KCNQ5: variants seen among roughly 807,000 people sequenced by gnomAD.
The protein encoded by KCNQ5 is potassium voltage-gated channel subfamily Q member 5.
A neutral mutation model predicts 98.2 loss-of-function variants in KCNQ5; 30 were observed. That is an observed-to-expected ratio of 0.31 (90% CI 0.23 to 0.41). The LOEUF (loss-of-function observed/expected upper bound fraction) is 0.41, where lower values mean the gene tolerates loss of function less well. Ranked by LOEUF, KCNQ5 falls within the 10% of genes least tolerant of loss-of-function variation. The pLI, the probability that KCNQ5 is intolerant of heterozygous loss-of-function variation, is 1.00. For missense variants in KCNQ5, 835 were observed against 1,182.5 expected, an observed-to-expected ratio of 0.71 and a Z score of 4.31; for synonymous variants, 458 against 449.4, an observed-to-expected ratio of 1.02 and a Z score of -0.24.
chr6:72,714,808 T>C (rs1004537764), intron 1 of KCNQ5, among the ~76,000 whole-genome samples: 5 of 152,160 alleles, frequency 3.3e-5, no homozygotes, highest in African/African-American at 1.2e-4. Flanking sequence ...CCTCTTAATA[T>C]CTTGAAGATC....
intron 1 of KCNQ5, among the ~76,000 whole-genome samples, chr6:72,901,268 T>C (rs1031326862): frequency 3.9e-5 from 6 of 152,104 alleles, no homozygotes; most frequent in Non-Finnish European, 7.4e-5. Context: ...GTCACATATA[T>C]AGATTGTGAA....
chr6:72,881,971 G>C, intron 1 of KCNQ5, among the ~76,000 whole-genome samples: 1 of 152,164 alleles, frequency 6.6e-6, no homozygotes, highest in East Asian at 1.9e-4. Context: ...GATTACAAGC[G>C]TGAGCCACCA....
intron 5 of KCNQ5, among the ~76,000 whole-genome samples, chr6:73,090,959 A>G (rs879474319): frequency 6.6e-6 from 1 of 152,208 alleles, no homozygotes; most frequent in Non-Finnish European, 1.5e-5. Context: ...TGACCCAGCA[A>G]TCCCATTACT....
At chr6:73,178,351 G>T (rs901404330) in intron 11 of KCNQ5, among the ~76,000 whole-genome samples, 9 of 151,356 alleles carry the variant, frequency 5.9e-5, no homozygotes, top group African/African-American at 1.9e-4. Context: ...ACTTTGGGAG[G>T]CTGAGCTGGG....
At chr6:72,781,470 T>C (rs1773469017) in intron 1 of KCNQ5, among the ~76,000 whole-genome samples, 1 of 152,196 alleles carries the variant, frequency 6.6e-6, no homozygotes, top group Non-Finnish European at 1.5e-5. Flanking sequence ...GATATATTCT[T>C]ATATGTTTAT....
At chr6:72,759,638 T>C (rs1772151586) in intron 1 of KCNQ5, among the ~76,000 whole-genome samples, 1 of 152,040 alleles carries the variant, frequency 6.6e-6, no homozygotes, top group African/African-American at 2.4e-5. Flanking sequence ...CCCTTTCTTC[T>C]CAAAATACCA....
chr6:72,834,776 C>T lies in KCNQ5; in HGVS notation c.399-169132C>T, dbSNP rs1417541087. On this transcript the variant is annotated intron_variant, in intron 1 of 13. Coordinates refer to ENST00000370398, the MANE Select transcript of KCNQ5 (RefSeq NM_019842.4). ...CATGCATGTGTAACTTCCATTAACA[C>T]GTATCCCAGATAATATTCCAGCACT... 7.2e-5 allele frequency among the ~76,000 whole-genome samples: 11 copies of T among 152,056 alleles called. 1 individual carries two copies. Among genetic ancestry groups the T allele is most frequent in the Non-Finnish European group, 5.9e-5 (4 of 67,984 alleles).
At chr6:73,170,381 C>T (rs1204675281) in intron 11 of KCNQ5, among the ~76,000 whole-genome samples, 2 of 150,282 alleles carry the variant, frequency 1.3e-5, no homozygotes, top group Non-Finnish European at 3.0e-5. Flanking sequence ...AGAGAGTATA[C>T]CTAGCAACTT....
chr6:72,948,512 TCA>T (rs1766648975), intron 1 of KCNQ5, among the ~76,000 whole-genome samples: 1 of 152,222 alleles, frequency 6.6e-6, no homozygotes, highest in Admixed American at 6.5e-5. Flanking sequence ...TTTAATGGAT[TCA>T]CAGTCAGTAT....
At chr6:73,163,703 G>A (rs946495875) in intron 10 of KCNQ5, among the ~76,000 whole-genome samples, 27 of 152,140 alleles carry the variant, frequency 1.8e-4, no homozygotes, top group Non-Finnish European at 2.9e-4. Flanking sequence ...AGCCAAGATC[G>A]CGCCACTTCA....
intron 1 of KCNQ5, among the ~76,000 whole-genome samples, chr6:72,889,627 C>T (rs766724724): frequency 6.6e-6 from 1 of 152,112 alleles, no homozygotes; most frequent in Non-Finnish European, 1.5e-5. Context: ...CAAAATCAGT[C>T]TATCAGGTTT....
intron 8 of KCNQ5, among the ~76,000 whole-genome samples, chr6:73,121,282 C>G (rs1378730262): frequency 6.7e-6 from 1 of 149,468 alleles, no homozygotes; most frequent in Non-Finnish European, 1.5e-5. Context: ...TAGAAGCAGG[C>G]AAGAACCAAG....
chr6:73,037,174 G>A (rs758652102), intron 2 of KCNQ5, among the ~76,000 whole-genome samples: 8 of 152,066 alleles, frequency 5.3e-5, no homozygotes, highest in Non-Finnish European at 1.0e-4. Context: ...CCTCTTTTAT[G>A]AATATCCTAT....
chr6:72,713,115 G>A (rs1428324068), intron 1 of KCNQ5, among the ~76,000 whole-genome samples: 2 of 152,162 alleles, frequency 1.3e-5, no homozygotes, highest in African/African-American at 4.8e-5. Context: ...TGGGTTTGCA[G>A]CTTAGTCAGA....
rs143568628 is a variant in KCNQ5 at position 72,984,782 on chromosome 6, G to A, written c.399-19126G>A. 3.0e-3 allele frequency among the ~76,000 whole-genome samples: 451 copies of A among 152,286 alleles called. 5 individuals carry two copies. Among genetic ancestry groups the A allele is most frequent in the East Asian group, 0.026 (134 of 5,184 alleles). Reference sequence around the variant, plus strand: ...TCAGTTGGAAATGCAGAAATCACCCGTCTTCTGTGTCGATCACACTGGGAG... The same window carrying A: ...TCAGTTGGAAATGCAGAAATCACCCATCTTCTGTGTCGATCACACTGGGAG... On this transcript the variant is annotated intron_variant, in intron 1 of 13. Transcript: ENST00000370398.
rs79411791 is a variant in KCNQ5 at position 72,897,038 on chromosome 6, C to T, written c.399-106870C>T. ...TTATAGTCATCTTAGGAGGTCATTC[C>T]GAGCAACATGAAAAGCAAGAAGAAG... is the stretch of plus-strand genomic sequence containing the variant. On this transcript the variant is annotated intron_variant, in intron 1 of 13. Transcript: ENST00000370398. 4.8e-3 allele frequency among the ~76,000 whole-genome samples: 732 copies of T among 151,758 alleles called. 11 individuals are homozygous for T. Among genetic ancestry groups the T allele is most frequent in the East Asian group, 0.021 (106 of 5,154 alleles).
intron 1 of KCNQ5, among the ~76,000 whole-genome samples, chr6:72,680,875 A>G (rs1018210456): frequency 6.6e-6 from 1 of 152,224 alleles, no homozygotes; most frequent in Non-Finnish European, 1.5e-5. Context: ...ACCCAAAAGG[A>G]AACATAAATT....
At chr6:72,790,708 T>C (rs1773992734) in intron 1 of KCNQ5, among the ~76,000 whole-genome samples, 1 of 152,140 alleles carries the variant, frequency 6.6e-6, no homozygotes, top group Admixed American at 6.5e-5. Context: ...CTTAAGGGGA[T>C]GGATATCCCC....
chr6:73,150,832 A>ATGCG, intron 10 of KCNQ5, among the ~76,000 whole-genome samples: 1 of 148,216 alleles, frequency 6.7e-6, no homozygotes, highest in Admixed American at 6.7e-5. Context: ...ATATATATAT[A>ATGCG]TGTGTGTGTG....
Sources: gnomAD v4.1 joint callset for allele counts (sites outside exome capture counted in the v4.1 genomes callset) on GRCh38, gnomAD v4.1.1 for gene constraint, MANE v1.5 for transcripts, NCBI Gene and HGNC (gene_info 2026-07-23, HGNC 2026-07-21) for gene names.